CARF: variants seen among roughly 807,000 people sequenced by gnomAD.
The protein encoded by CARF is calcium-responsive transcription factor.
CARF carries 57 observed loss-of-function variants against 82.0 expected under a neutral mutation model. The ratio of observed to expected loss-of-function variants is 0.70; its 90% CI spans 0.56 to 0.87. The LOEUF (loss-of-function observed/expected upper bound fraction) is 0.87. Ranked by LOEUF, CARF falls within the 40% of genes least tolerant of loss-of-function variation. The pLI is 0.00. For synonymous variants in CARF, 268 were observed against 290.1 expected (o/e 0.92, Z 0.77); for missense variants, 771 against 855.8 (o/e 0.90, Z 1.24).
At chr2:202,954,834 C>A (rs2058957373) in intron 7 of CARF, among the ~76,000 whole-genome samples, 1 of 151,506 alleles carries the variant, frequency 6.6e-6, no homozygotes, top group Non-Finnish European at 1.5e-5. Flanking sequence ...ACGGTAAAAC[C>A]CCGTCTCTAC....
At chr2:202,926,132 C>T (rs1426625750) in intron 3 of CARF, among the ~76,000 whole-genome samples, 1 of 152,182 alleles carries the variant, frequency 6.6e-6, no homozygotes, top group African/African-American at 2.4e-5. Flanking sequence ...CTACCTACCT[C>T]CTCTGGCCGA....
chr2:202,922,297 G>A (rs758558254), intron 2 of CARF, among the ~76,000 whole-genome samples: 3 of 151,816 alleles, frequency 2.0e-5, no homozygotes, highest in Non-Finnish European at 4.4e-5. Context: ...AAATTTTTTT[G>A]TAGAGATGGG....
rs1333022972 is a variant in CARF at position 202,986,872 on chromosome 2, A to G, written c.*3248A>G. The G allele has an allele frequency of 5.2e-4, 26 of 50,058 alleles. No homozygotes were observed. Among genetic ancestry groups the G allele is most frequent in the African/African-American group, 1.8e-3 (25 of 13,732 alleles). 3.1% of individuals were successfully genotyped at this position (50,058 alleles called of 1,614,324 possible). A position where few individuals can be genotyped will look rare whatever the true frequency, so the allele number is the denominator to read the frequency against. On this transcript the variant is annotated 3_prime_UTR_variant, in exon 17 of 17. Transcript: ENST00000438828. ...AGGTTTAAAAAATGTCTGTGCGTAT[A>G]TATATATATATATATATATATATAT...
chr2:202,943,097 G>C, intron 5 of CARF, 130 bp downstream of exon 5: 2 of 738,872 alleles, frequency 2.7e-6, no homozygotes, highest in Non-Finnish European at 4.3e-6. Flanking sequence ...TTGAGATGGA[G>C]TTCCACTCTT....
At chr2:202,983,022 A>G (rs1448008962) in intron 16 of CARF, among the ~76,000 whole-genome samples, 1 of 151,984 alleles carries the variant, frequency 6.6e-6, no homozygotes, top group Non-Finnish European at 1.5e-5. Flanking sequence ...AGTAGCTGGG[A>G]CCACAGGCAC....
rs1416084238 is a variant in CARF at position 202,986,880 on chromosome 2, A to ATG, written c.*3257_*3258insGT. On this transcript the variant is annotated 3_prime_UTR_variant, in exon 17 of 17. Coordinates refer to ENST00000438828, the MANE Select transcript of CARF (RefSeq NM_024744.17). ...AAAATGTCTGTGCGTATATATATAT[A>ATG]TATATATATATATATATATATATAT... 4 of 117,308 alleles carry ATG rather than the reference A, an allele frequency of 3.4e-5. No homozygotes were observed. Among genetic ancestry groups the ATG allele is most frequent in the South Asian group, 5.9e-4 (2 of 3,400 alleles). The allele number at this position is 117,308 out of a possible 1,614,324, so 7.3% of individuals were successfully genotyped here.
At chr2:202,916,408 C>T (rs1689672745) in intron 1 of CARF, among the ~76,000 whole-genome samples, 3 of 152,048 alleles carry the variant, frequency 2.0e-5, no homozygotes, top group Admixed American at 1.3e-4. Context: ...GTCTCAATCT[C>T]TTAACTTCGT....
chr2:202,965,762 GT>G (rs768524177), intron 9 of CARF, among the ~76,000 whole-genome samples: 16 of 151,986 alleles, frequency 1.1e-4, no homozygotes, highest in Non-Finnish European at 1.9e-4. Flanking sequence ...AAAGTTTGTT[GT>G]ATCCTACAGT....
At chr2:202,968,460 A>G (rs2059644055) in intron 10 of CARF, among the ~76,000 whole-genome samples, 1 of 152,166 alleles carries the variant, frequency 6.6e-6, no homozygotes, top group East Asian at 1.9e-4. Context: ...AAGCCCATTT[A>G]CAAGGCTTTT....
At chr2:202,934,998 A>C (rs1025736909) in intron 3 of CARF, among the ~76,000 whole-genome samples, 10 of 148,732 alleles carry the variant, frequency 6.7e-5, no homozygotes, top group Non-Finnish European at 3.0e-5. Flanking sequence ...AATCGCTTGA[A>C]CTGGAGAGGT....
In CARF at chr2:202,980,250, G is replaced by C. The variant is rs150167538; in HGVS notation, c.1559-1305G>C. On this transcript the variant is annotated intron_variant, in intron 14 of 16. Coordinates refer to ENST00000438828, the MANE Select transcript of CARF (RefSeq NM_024744.17). ...TGAGATTACAAGCGTGAGCCACTTC[G>C]CCTGGCCGATAATTAGTTCTTCACT... Among the ~76,000 whole-genome samples the C allele has an allele frequency of 7.1e-3, 1,079 of 152,124 alleles. 9 individuals are homozygous for C. Among genetic ancestry groups the C allele is most frequent in the African/African-American group, 0.025 (1,019 of 41,488 alleles).
At chr2:202,926,180 T>C (rs1368286111) in intron 3 of CARF, among the ~76,000 whole-genome samples, 2 of 152,112 alleles carry the variant, frequency 1.3e-5, no homozygotes, top group Admixed American at 1.3e-4. Flanking sequence ...CAGGGAAGCA[T>C]AGGGAACAGG....
intron 3 of CARF, among the ~76,000 whole-genome samples, chr2:202,928,093 C>T (rs10190966): frequency 0.9 from 136,367 of 152,214 alleles, 61,545 homozygotes; most frequent in Non-Finnish European, 0.95. Flanking sequence ...CTAGCTGTAC[C>T]TTTGTAACCA....
chr2:202,916,388 G>C (rs920111153), intron 1 of CARF, among the ~76,000 whole-genome samples: 2 of 151,890 alleles, frequency 1.3e-5, no homozygotes, highest in African/African-American at 4.8e-5. Context: ...TCACCACGTT[G>C]GCCAGGATGG....
intron 1 of CARF, among the ~76,000 whole-genome samples, chr2:202,915,266 C>T (rs1409245991): frequency 3.3e-5 from 5 of 151,732 alleles, no homozygotes; most frequent in Admixed American, 1.3e-4. Flanking sequence ...CTTCCCACCT[C>T]GGCCTTCAAA....
In CARF at chr2:202,974,364, C is replaced by T. The variant is rs78815956; in HGVS notation, c.1362C>T (p.Pro454=). 6,997 of 1,606,110 alleles carry T rather than the reference C, an allele frequency of 4.4e-3. 289 individuals carry two copies. The African/African-American group carries it at 0.084, about 19-fold the overall frequency. Residue 454 remains proline, a synonymous_variant, in exon 13 of 17, where the codon CCC becomes CCT. Transcript: ENST00000438828. ...TTGTGGAAAGGGAACTGTTCAAACC[C>T]GATGAGGTACCTGAAAGACATAATT... ...RKFVERELFK[P]DEVPERHNLS...
chr2:202,953,407 C>G (rs2058848789), intron 6 of CARF, among the ~76,000 whole-genome samples: 1 of 150,834 alleles, frequency 6.6e-6, no homozygotes, highest in Non-Finnish European at 1.5e-5. Context: ...TTGGCTCCTT[C>G]AGATTCAGAA....
chr2:202,970,007 G>A lies in CARF; in HGVS notation c.1042G>A (p.Glu348Lys), dbSNP rs918946211. The change falls in exon 11 of 17, where the codon GAG becomes AAG. Residue 348 changes from glutamate to lysine, a missense_variant. By Grantham distance (56) the Glu-to-Lys change is moderately conservative. Transcript: ENST00000438828. ...CAAGAAAATTATCAGAATGGAGCAG[G>A]AGAAAGCTTTTAACATGCTAAAGAA... Reference protein sequence around the residue: ...IDKKIIRMEQEKAFNMLKKNL... With the variant: ...IDKKIIRMEQKKAFNMLKKNL... The A allele has an allele frequency of 3.8e-6, 6 of 1,581,180 alleles. No homozygotes were observed. The highest frequency in any genetic ancestry group is 5.1e-6 in the Non-Finnish European group (6 of 1,170,802).
chr2:202,955,653 T>C (rs201682276), intron 7 of CARF, 21 bp from the exon 8 acceptor site: 23 of 1,565,936 alleles, frequency 1.5e-5, no homozygotes, highest in Non-Finnish European at 1.9e-5. Context: ...CATATTTATA[T>C]ATATTCCTCT....
Sources: gnomAD v4.1 joint callset for allele counts (sites outside exome capture counted in the v4.1 genomes callset) on GRCh38, gnomAD v4.1.1 for gene constraint, MANE v1.5 for transcripts, NCBI Gene and HGNC (gene_info 2026-07-23, HGNC 2026-07-21) for gene names.